Variants in ADAMTSL1 observed in about 807,000 individuals in gnomAD.
The protein encoded by ADAMTSL1 is ADAMTS like 1, also known as ADAMTS-like protein 1.
A neutral mutation model predicts 201.8 loss-of-function variants in ADAMTSL1; 126 were observed. The ratio of observed to expected loss-of-function variants is 0.62; its 90% confidence interval spans 0.54 to 0.72. ADAMTSL1 has a LOEUF of 0.72. ADAMTSL1 is among the 30% of genes least tolerant of loss of function. The probability of loss-of-function intolerance (pLI) is 0.00; values close to 1 mark genes in which losing one functional copy is unlikely to be tolerated. For synonymous variants in ADAMTSL1, 1,121 were observed against 903.4 expected (o/e 1.24, Z -4.32); for missense variants, 2,679 against 2,277.8 (o/e 1.18, Z -3.59).
intron 1 of ADAMTSL1, 74 bp from the exon 2 acceptor site, chr9:18,504,755 C>G (rs1287600455): frequency 1.9e-6 from 3 of 1,605,866 alleles, no homozygotes; most frequent in Non-Finnish European, 2.6e-6. Flanking sequence ...ACGTACAGGC[C>G]AGTCACATTT....
intron 25 of ADAMTSL1, 115 bp downstream of exon 25, chr9:18,889,863 G>C: frequency 1.8e-6 from 2 of 1,091,984 alleles, no homozygotes; most frequent in East Asian, 3.2e-5. Context: ...GCCAGCCAAG[G>C]AGCTGTTCTT....
intron 2 of ADAMTSL1, among the ~76,000 whole-genome samples, chr9:18,263,483 A>G (rs1832001371): frequency 6.6e-6 from 1 of 151,978 alleles, no homozygotes; most frequent in Non-Finnish European, 1.5e-5. Flanking sequence ...TTCTCCCTCT[A>G]CAGTCTTCTT....
intron 15 of ADAMTSL1, among the ~76,000 whole-genome samples, chr9:18,738,085 A>G (rs1818621108): frequency 6.6e-6 from 1 of 152,246 alleles, no homozygotes; most frequent in South Asian, 2.1e-4. Context: ...TTAATTAAGA[A>G]TAGATTCTAT....
chr9:18,908,293 G>A, intron 28 of ADAMTSL1, 149 bp from the exon 29 acceptor site: 1 of 687,924 alleles, frequency 1.5e-6, no homozygotes, highest in Non-Finnish European at 2.6e-6. Flanking sequence ...CTCTGTCAAA[G>A]TTAGGCTGGA....
intron 3 of ADAMTSL1, among the ~76,000 whole-genome samples, chr9:18,543,849 T>C (rs894803602): frequency 1.3e-5 from 2 of 152,204 alleles, no homozygotes; most frequent in African/African-American, 4.8e-5. Flanking sequence ...TTTCCTCTCC[T>C]CTCGGCCTTC....
chr9:18,887,151 C>T (rs1242634997), intron 23 of ADAMTSL1, among the ~76,000 whole-genome samples: 1 of 152,230 alleles, frequency 6.6e-6, no homozygotes, highest in East Asian at 1.9e-4. Flanking sequence ...ATTTCTCTCA[C>T]AACTGCAACC....
At position 17,922,154 on chromosome 9, in the gene ADAMTSL1, TATTA is replaced by T. The variant is rs376104991; in HGVS notation, c.87+15236_87+15239del. Among the ~76,000 whole-genome samples the T allele has an allele frequency of 2.2e-4, 34 of 152,010 alleles. 1 individual carries two copies. In the South Asian group the frequency reaches 6.7e-3, roughly 30 times the overall value. On this transcript the variant is annotated intron_variant, in intron 1 of 29. Transcript: ENST00000680146. ...GAATGGGAAATAATTTTTGAATAGTTATTAATTCTATATCAGTTTTAATGTTTTA... is the reference window on the plus strand; with the variant it reads ...GAATGGGAAATAATTTTTGAATAGTTATTCTATATCAGTTTTAATGTTTTA...
In ADAMTSL1 at chr9:18,908,779, G is replaced by T. The variant is rs1830452140; in HGVS notation, c.*231G>T. Reference sequence around the variant, plus strand: ...GGAAAGGAAAGGACAGATGTCTAAAGGAGGTTGCAGAGCAGGCCAGGCAGA... The same window carrying T: ...GGAAAGGAAAGGACAGATGTCTAAATGAGGTTGCAGAGCAGGCCAGGCAGA... On this transcript the variant is annotated 3_prime_UTR_variant, in exon 29 of 29. Transcript: ENST00000380548. The T allele has an allele frequency of 2.2e-6, 1 of 461,548 alleles. No individual in the cohort carries two copies. The highest frequency in any genetic ancestry group is 2.4e-5 in the South Asian group (1 of 42,412). 28.6% of individuals were successfully genotyped at this position (461,548 alleles called of 1,614,324 possible). A position where few individuals can be genotyped will look rare whatever the true frequency, so the allele number is the denominator to read the frequency against.
intron 1 of ADAMTSL1, among the ~76,000 whole-genome samples, chr9:17,989,776 G>A (rs1033348333): frequency 1.3e-5 from 2 of 151,018 alleles, no homozygotes; most frequent in Non-Finnish European, 1.5e-5. Context: ...TTTTTCATAT[G>A]TTTGTTGGAC....
chr9:18,358,696 G>T (rs541825910), intron 2 of ADAMTSL1, among the ~76,000 whole-genome samples: 7 of 152,160 alleles, frequency 4.6e-5, no homozygotes, highest in African/African-American at 1.4e-4. Flanking sequence ...GGTATTGCAT[G>T]TATCCATACT....
intron 20 of ADAMTSL1, among the ~76,000 whole-genome samples, chr9:18,799,309 T>A (rs1822628499): frequency 6.6e-6 from 1 of 152,236 alleles, no homozygotes; most frequent in African/African-American, 2.4e-5. Context: ...GAGTCTCTGA[T>A]GTGTGCAGAC....
At chr9:18,405,268 C>T (rs1818141729) in intron 2 of ADAMTSL1, among the ~76,000 whole-genome samples, 1 of 152,216 alleles carries the variant, frequency 6.6e-6, no homozygotes, top group Non-Finnish European at 1.5e-5. Flanking sequence ...TTCAGTGTCA[C>T]TCAGCATCTA....
chr9:18,439,769 T>C (rs1819916614), intron 2 of ADAMTSL1, among the ~76,000 whole-genome samples: 2 of 152,240 alleles, frequency 1.3e-5, no homozygotes, highest in Non-Finnish European at 2.9e-5. Context: ...TTATCAGTAC[T>C]TATTGGAGGA....
intron 1 of ADAMTSL1, among the ~76,000 whole-genome samples, chr9:17,975,901 G>T (rs963417841): frequency 6.6e-6 from 1 of 151,976 alleles, no homozygotes; most frequent in South Asian, 2.1e-4. Context: ...TTCTGTGTTT[G>T]GGTAAGATAA....
At chr9:18,133,579 G>A (rs1826037298) in intron 1 of ADAMTSL1, among the ~76,000 whole-genome samples, 1 of 152,100 alleles carries the variant, frequency 6.6e-6, no homozygotes, top group South Asian at 2.1e-4. Context: ...TGATGTTCAG[G>A]CTGTATACCA....
At chr9:18,501,054 G>A (rs752842273) in intron 1 of ADAMTSL1, among the ~76,000 whole-genome samples, 1 of 152,160 alleles carries the variant, frequency 6.6e-6, no homozygotes, top group Non-Finnish European at 1.5e-5. Flanking sequence ...GTATAGAAGA[G>A]CTTAGATTTT....
upstream of ADAMTSL1, among the ~76,000 whole-genome samples, chr9:18,471,297 T>G (rs554433933): frequency 8.5e-5 from 13 of 152,260 alleles, no homozygotes; most frequent in African/African-American, 3.1e-4. Context: ...TGCATATATA[T>G]GAATATGAGA....
chr9:18,014,449 C>T (rs34778652), intron 1 of ADAMTSL1, among the ~76,000 whole-genome samples: 1 of 152,140 alleles, frequency 6.6e-6, no homozygotes, highest in East Asian at 1.9e-4. Flanking sequence ...CTTAACTCCT[C>T]TGGTGAAACA....
intron 9 of ADAMTSL1, among the ~76,000 whole-genome samples, chr9:18,670,286 A>G (rs1401628432): frequency 6.6e-6 from 1 of 152,244 alleles, no homozygotes; most frequent in African/African-American, 2.4e-5. Flanking sequence ...GCAGCACGGT[A>G]TCTGAAAGAC....
Sources: allele counts gnomAD v4.1 joint callset (sites outside exome capture counted in the v4.1 genomes callset), GRCh38; gene constraint gnomAD v4.1.1; transcripts MANE v1.5; gene names NCBI Gene and HGNC (gene_info 2026-07-23, HGNC 2026-07-21).